The following MCF2L variants were observed in gnomAD, a reference collection of about 807,000 sequenced individuals.
MCF2L encodes guanine nucleotide exchange factor DBS.
A neutral mutation model predicts 153.4 loss-of-function variants in MCF2L; 97 were observed. The observed-to-expected ratio is 0.63, with a 90% CI of 0.54 to 0.75. MCF2L has a LOEUF of 0.75. Ranked by LOEUF, MCF2L falls within the 30% of genes least tolerant of loss-of-function variation. MCF2L has a pLI of 0.00. For synonymous variants in MCF2L, 659 were observed against 632.2 expected (o/e 1.04, Z -0.64); for missense variants, 1,347 against 1,495.2 (o/e 0.90, Z 1.64).
chr13:112,912,650 T>A (rs1594313377), intron 2 of MCF2L, among the ~76,000 whole-genome samples: 1 of 152,216 alleles, frequency 6.6e-6, no homozygotes, highest in East Asian at 1.9e-4. Context: ...ATGTCCTCAT[T>A]GTGTCATTTC....
intron 4 of MCF2L, among the ~76,000 whole-genome samples, chr13:113,057,399 A>T (rs2030228294): frequency 8.8e-6 from 1 of 113,606 alleles, no homozygotes; most frequent in Non-Finnish European, 1.8e-5. Context: ...TTGGGTGCTG[A>T]GTGTTTAGGT....
In MCF2L at chr13:113,035,354, G is replaced by A. The variant is rs539697390; in HGVS notation, c.279-9917G>A. On this transcript the variant is annotated intron_variant, in intron 3 of 29. Coordinates refer to ENST00000535094, the MANE Select transcript of MCF2L (RefSeq NM_001112732.3). The surrounding 1 kb of genome is among the most constrained non-coding windows in gnomAD (Gnocchi z 4.4). Reference sequence around the variant, plus strand: ...TACTCAGGTAAGACGTCCTGACAGTGAGGTTTTTAATATTTACAAGCCACA... The same window carrying A: ...TACTCAGGTAAGACGTCCTGACAGTAAGGTTTTTAATATTTACAAGCCACA... Among the ~76,000 whole-genome samples the A allele has an allele frequency of 3.0e-4, 45 of 152,198 alleles. No homozygotes were observed. Among genetic ancestry groups the A allele is most frequent in the Non-Finnish European group, 5.0e-4 (34 of 68,040 alleles).
At chr13:112,934,827 G>T (rs1300764673) in intron 2 of MCF2L, among the ~76,000 whole-genome samples, 3 of 152,124 alleles carry the variant, frequency 2.0e-5, no homozygotes, top group Non-Finnish European at 4.4e-5. Context: ...ATTACAAATA[G>T]GCCAGCCTTT....
At chr13:113,066,345 TG>T (rs1425577092) in intron 8 of MCF2L, among the ~76,000 whole-genome samples, 175 bp downstream of exon 8, 4 of 152,194 alleles carry the variant, frequency 2.6e-5, no homozygotes, top group African/African-American at 9.6e-5. Flanking sequence ...TGTGTGGGCC[TG>T]GCTCCTCCTG....
intron 2 of MCF2L, among the ~76,000 whole-genome samples, chr13:112,915,425 A>AAAAAAAAAAAAAAAAAAAAAAAAC (rs2081282349): frequency 1.3e-5 from 2 of 149,870 alleles, no homozygotes; most frequent in African/African-American, 2.5e-5. Context: ...AAAAAAAAAA[A>AAAAAAAAAAAAAAAAAAAAAAAAC]TCCATCCTCA....
At chr13:113,090,645 T>G (rs1448675830) in intron 26 of MCF2L, 2 of 985,300 alleles carry the variant, frequency 2.0e-6, no homozygotes, top group Non-Finnish European at 2.4e-6. Context: ...GGGAAATACA[T>G]GGCGGGGAAA....
At chr13:112,911,431 T>C (rs1480516240) in intron 2 of MCF2L, among the ~76,000 whole-genome samples, 3 of 152,218 alleles carry the variant, frequency 2.0e-5, no homozygotes, top group African/African-American at 7.2e-5. Flanking sequence ...GCTAGTCCTG[T>C]GCGCCCACCA....
chr13:112,992,324 C>T (rs2082925782), intron 1 of MCF2L, among the ~76,000 whole-genome samples: 1 of 152,190 alleles, frequency 6.6e-6, no homozygotes. Context: ...AGATACTTGG[C>T]CATGTTTAGT....
At chr13:112,970,088 C>T (rs982656780) in intron 1 of MCF2L, among the ~76,000 whole-genome samples, 1 of 152,166 alleles carries the variant, frequency 6.6e-6, no homozygotes, top group Non-Finnish European at 1.5e-5. Context: ...TGCATCTGGC[C>T]GTGGCTTTCA....
In MCF2L at chr13:112,951,756, G is replaced by A. The variant is rs1002762647; in HGVS notation, c.169+49385G>A. 1.3e-5 allele frequency among the ~76,000 whole-genome samples: 2 copies of A among 152,202 alleles called. No individual in the cohort carries two copies. The highest frequency in any genetic ancestry group is 2.9e-5 in the Non-Finnish European group (2 of 68,026). ...CCCAGGTCTGGCTGCGTCATTGTCA[G>A]TATGCTGGCTGCAGTCGTGTGCTGT... On this transcript the variant is annotated intron_variant, in intron 2 of 29. Coordinates refer to the MCF2L transcript ENST00000375608. This position sits in a 1 kb window ranked among gnomAD's most constrained non-coding sequence, Gnocchi z 4.8.
chr13:112,897,507 C>A (rs1295502420), intron 1 of MCF2L, among the ~76,000 whole-genome samples: 3 of 152,176 alleles, frequency 2.0e-5, no homozygotes, highest in African/African-American at 7.2e-5. Flanking sequence ...GGAACCAGAG[C>A]TGGGAAGCTG....
intron 1 of MCF2L, among the ~76,000 whole-genome samples, chr13:112,979,099 C>T (rs573657020): frequency 1.3e-5 from 2 of 152,248 alleles, no homozygotes; most frequent in African/African-American, 2.4e-5. Context: ...CTTCCTCCCT[C>T]GAGGAGCTCG....
In MCF2L at chr13:113,055,382, CCACACACACACACACACA is replaced by C. The variant is rs59884971; in HGVS notation, c.370-5165_370-5148del. 6.2e-3 allele frequency among the ~76,000 whole-genome samples: 95 copies of C among 15,242 alleles called. 19 individuals carry two copies. Among genetic ancestry groups the C allele is most frequent in the African/African-American group, 0.027 (90 of 3,380 alleles). The allele number at this position is 15,242 out of a possible 152,430, so 10.0% of individuals were successfully genotyped here. Reference sequence around the variant, plus strand: ...CTGGAGACGTGGACCCCCCCCCCCGCCACACACACACACACACACACACACACACACACACACACACAC... The same window carrying C: ...CTGGAGACGTGGACCCCCCCCCCCGCCACACACACACACACACACACACAC... On this transcript the variant is annotated intron_variant, in intron 4 of 29. Coordinates refer to ENST00000535094, the MANE Select transcript of MCF2L (RefSeq NM_001112732.3).
intron 21 of MCF2L, among the ~76,000 whole-genome samples, chr13:113,086,674 C>T (rs1392468894): frequency 6.6e-6 from 1 of 152,152 alleles, no homozygotes; most frequent in Non-Finnish European, 1.5e-5. Context: ...CCCCGTAGAG[C>T]CCCACATCAG....
chr13:112,980,890 C>T lies in MCF2L; in HGVS notation c.79+11432C>T, dbSNP rs138809191. On this transcript the variant is annotated intron_variant, in intron 1 of 29. Coordinates refer to ENST00000535094, the MANE Select transcript of MCF2L (RefSeq NM_001112732.3). The stretch of plus-strand genomic sequence containing the variant: ...GGTGTCCAGCGCTCCATTCACGCCC[C>T]ACCACCCTCCCAAAGCTGAAGTCTT... 8.4e-3 allele frequency among the ~76,000 whole-genome samples: 1,285 copies of T among 152,316 alleles called. 27 individuals are homozygous for T. Among genetic ancestry groups the T allele is most frequent in the African/African-American group, 0.03 (1,228 of 41,576 alleles).
At chr13:113,016,802 C>T (rs558225273) in intron 2 of MCF2L, among the ~76,000 whole-genome samples, 1 of 152,352 alleles carries the variant, frequency 6.6e-6, no homozygotes, top group East Asian at 1.9e-4. Flanking sequence ...CGCCCTCGTA[C>T]ATGCCCTCTC....
At position 113,098,192 on chromosome 13, in the gene MCF2L, G is replaced by T. The variant is rs1415341380; in HGVS notation, c.*1333G>T. 1 of 152,560 alleles carries T rather than the reference G, an allele frequency of 6.6e-6. No homozygotes were observed. Among genetic ancestry groups the T allele is most frequent in the Non-Finnish European group, 1.5e-5 (1 of 68,056 alleles). 9.5% of individuals were successfully genotyped at this position (152,560 alleles called of 1,614,324 possible). A position where few individuals can be genotyped will look rare whatever the true frequency, so the allele number is the denominator to read the frequency against. On this transcript the variant is annotated 3_prime_UTR_variant, in exon 30 of 30. Coordinates refer to ENST00000535094, the MANE Select transcript of MCF2L (RefSeq NM_001112732.3). ...CCCAGCCCCAGCACAGTGGAGGCAG[G>T]CGTGGCTGCATTCCCCTCACGCTAC...
rs1566709140 is a variant in MCF2L, at chr13:112,998,147, A to ACACGGTCATTCATGTAATTTCTAGG, written c.80-16612_80-16588dup. On this transcript the variant is annotated intron_variant, in intron 1 of 29. Transcript: ENST00000535094. ...ACCCCGTGCACAGCGCAGCTCCTAG[A>ACACGGTCATTCATGTAATTTCTAGG]CACGGTCATTCATGTAATTTCTAGG... Among the ~76,000 whole-genome samples the ACACGGTCATTCATGTAATTTCTAGG allele has an allele frequency of 2.6e-5, 4 of 152,372 alleles. No homozygotes were observed. The East Asian group carries it at 7.7e-4, about 29-fold the overall frequency.
intron 4 of MCF2L, among the ~76,000 whole-genome samples, chr13:113,049,454 T>A (rs879732834): frequency 1.6e-4 from 25 of 152,154 alleles, no homozygotes; most frequent in Non-Finnish European, 3.5e-4. Flanking sequence ...TTCAGTTTTT[T>A]GGAAATGGTG....
Sources: allele counts gnomAD v4.1 joint callset (sites outside exome capture counted in the v4.1 genomes callset), GRCh38; gene constraint gnomAD v4.1.1; non-coding constraint Gnocchi (gnomAD v3.1); transcripts MANE v1.5; gene names NCBI Gene and HGNC (gene_info 2026-07-23, HGNC 2026-07-21).